F2: variants seen among roughly 807,000 people sequenced by gnomAD.
The protein encoded by F2 is prothrombin.
Under a neutral mutation model 81.9 loss-of-function variants are expected in F2, and 34 were observed. That is an observed-to-expected ratio of 0.42 (90% CI 0.32 to 0.55). F2 has a LOEUF of 0.55. F2 is among the 20% of genes least tolerant of loss of function. F2 has a pLI of 0.18. For synonymous variants in F2, 296 were observed against 326.4 expected (o/e 0.91, Z 1.01); for missense variants, 630 against 833.4 (o/e 0.76, Z 3.00).
At chr11:46,720,132 A>C (rs1260511252) in intron 2 of F2, 3 of 574,804 alleles carry the variant, frequency 5.2e-6, no homozygotes, top group African/African-American at 1.9e-5. Context: ...CTCTGTGTCC[A>C]CATGGCCTCC....
At position 46,726,989 on chromosome 11, in the gene F2, G is replaced by A. The variant is rs898730726; in HGVS notation, c.1130+152G>A. The A allele has an allele frequency of 8.3e-7, 1 of 1,209,724 alleles. No individual in the cohort carries two copies. Among genetic ancestry groups the A allele is most frequent in the Admixed American group, 2.2e-5 (1 of 44,904 alleles). 74.9% of individuals were successfully genotyped at this position (1,209,724 alleles called of 1,614,324 possible). ...CCAACTCCACACAGCAGCCACATGAGATGGGTTGTTTACTTCTTTTTTTTT... is the reference window on the plus strand; with the variant it reads ...CCAACTCCACACAGCAGCCACATGAAATGGGTTGTTTACTTCTTTTTTTTT... On this transcript the variant is annotated intron_variant, in intron 9 of 13. Transcript: ENST00000311907. This position sits in a 1 kb window ranked among gnomAD's most constrained non-coding sequence, Gnocchi z 5.9.
chr11:46,723,423 A>G lies in F2; in HGVS notation c.464A>G (p.Asn155Ser), dbSNP rs2064851342. The change falls in exon 6 of 14, where the codon AAT becomes AGT. Residue 155 changes from asparagine (N) to serine (S), a missense_variant. Asn to Ser is a conservative substitution (Grantham distance 46). Transcript: ENST00000311907. This position sits in a 1 kb window ranked among gnomAD's most constrained non-coding sequence, Gnocchi z 5.6. ...CATCCTGGGGCCGACCTACAGGAGAATTTCTGCCGCAACCCCGACAGCAGC... is the reference window on the plus strand; with the variant it reads ...CATCCTGGGGCCGACCTACAGGAGAGTTTCTGCCGCAACCCCGACAGCAGC... The part of the protein sequence containing the change: ...TTHPGADLQE[N>S]FCRNPDSSTT... 4 of 1,613,842 alleles carry G rather than the reference A, an allele frequency of 2.5e-6. No individual in the cohort carries two copies. Among genetic ancestry groups the G allele is most frequent in the Non-Finnish European group, 3.4e-6 (4 of 1,179,984 alleles).
chr11:46,730,511 G>T (rs900647374), intron 12 of F2, among the ~76,000 whole-genome samples: 2 of 151,828 alleles, frequency 1.3e-5, no homozygotes, highest in Admixed American at 1.3e-4. Flanking sequence ...GGGAGGCCTG[G>T]GGGGCTGAGG....
chr11:46,719,568 C>T lies in F2; in HGVS notation c.80-134C>T. On this transcript the variant is annotated intron_variant, in intron 1 of 13. Coordinates refer to ENST00000311907, the MANE Select transcript of F2 (RefSeq NM_000506.5). This position sits in a 1 kb window ranked among gnomAD's most constrained non-coding sequence, Gnocchi z 4.7. ...CAGGGGGCCACATTTAGCAGCCTTC[C>T]AGGCACTTCCACCAGCCCAGACAGC... The T allele has an allele frequency of 8.1e-7, 1 of 1,239,124 alleles. No homozygotes were observed. Among genetic ancestry groups the T allele is most frequent in the Non-Finnish European group, 1.1e-6 (1 of 883,082 alleles). 76.8% of individuals were successfully genotyped at this position (1,239,124 alleles called of 1,614,324 possible). A position where few individuals can be genotyped will look rare whatever the true frequency, so the allele number is the denominator to read the frequency against.
intron 12 of F2, among the ~76,000 whole-genome samples, chr11:46,733,190 T>A (rs1052303571): frequency 1.3e-5 from 2 of 152,188 alleles, no homozygotes; most frequent in African/African-American, 4.8e-5. Context: ...CTGTAATGCA[T>A]TTGCCTATTT....
chr11:46,732,908 T>A (rs1343640803), intron 12 of F2, among the ~76,000 whole-genome samples: 1 of 152,164 alleles, frequency 6.6e-6, no homozygotes, highest in Non-Finnish European at 1.5e-5. Flanking sequence ...CAGGGAACCC[T>A]TGTAGTCAAG....
chr11:46,723,545 A>G lies in F2; in HGVS notation c.559+27A>G, dbSNP rs201846578. ...TAAGCTGGGGGCAGTGGGGCGGCCC[A>G]TGGCCAAGGCCCGGGGGCTTCATGG... On this transcript the variant is annotated intron_variant, in intron 6 of 13. Coordinates refer to ENST00000311907, the MANE Select transcript of F2 (RefSeq NM_000506.5). The surrounding 1 kb of genome is among the most constrained non-coding windows in gnomAD (Gnocchi z 5.6). 146 of 1,595,172 alleles carry G rather than the reference A, an allele frequency of 9.2e-5. No homozygotes were observed. In the African/African-American group the frequency reaches 1.8e-3, roughly 19 times the overall value.
At chr11:46,727,114 C>G (rs922088400) in intron 9 of F2, among the ~76,000 whole-genome samples, 1 of 152,204 alleles carries the variant, frequency 6.6e-6, no homozygotes, top group Non-Finnish European at 1.5e-5. Flanking sequence ...TTCTGCCTTC[C>G]GGGTTCAAAC....
intron 4 of F2, among the ~76,000 whole-genome samples, chr11:46,721,908 T>A (rs1658326709): frequency 6.6e-6 from 1 of 151,532 alleles, no homozygotes; most frequent in African/African-American, 2.4e-5. Flanking sequence ...AGCAGCGCGA[T>A]CTCGGCTCGC....
intron 12 of F2, among the ~76,000 whole-genome samples, chr11:46,731,912 GTTTTTTTTT>G (rs71042616): frequency 1.1e-5 from 1 of 88,158 alleles, no homozygotes; most frequent in Non-Finnish European, 2.2e-5. Context: ...ACACTTTGAT[GTTTTTTTTT>G]TTTTTTTTTT....
Position 46,719,368 on chromosome 11 carries a change from T to C in F2, c.79+54T>C, listed in dbSNP as rs761128414. On this transcript the variant is annotated intron_variant, in intron 1 of 13. Transcript: ENST00000311907. The surrounding 1 kb of genome is among the most constrained non-coding windows in gnomAD (Gnocchi z 4.7). Reference sequence around the variant, plus strand: ...GCTGGAGGACTGGGGTGTGGGCCCATGGGCTGGGGTCTCCTGGCTGGACAG... The same window carrying C: ...GCTGGAGGACTGGGGTGTGGGCCCACGGGCTGGGGTCTCCTGGCTGGACAG... The C allele has an allele frequency of 2.6e-6, 4 of 1,566,660 alleles. No individual in the cohort carries two copies.
Position 46,732,202 on chromosome 11 carries a change from A to G in F2, c.1654+2641A>G, listed in dbSNP as rs191876226. 3.3e-3 allele frequency among the ~76,000 whole-genome samples: 502 copies of G among 151,444 alleles called. 9 individuals are homozygous for G. The highest frequency in any genetic ancestry group is 0.03 in the Admixed American group (455 of 15,166). On this transcript the variant is annotated intron_variant, in intron 12 of 13. Coordinates refer to ENST00000311907, the MANE Select transcript of F2 (RefSeq NM_000506.5). ...GTGCTGGGATTACAGGTGTGAGCCA[A>G]TACGCCTGGCCTACTTTGATATTTT...
chr11:46,734,801 A>G (rs919907987), intron 12 of F2, among the ~76,000 whole-genome samples: 3 of 152,092 alleles, frequency 2.0e-5, no homozygotes, highest in African/African-American at 7.2e-5. Context: ...ACAGAGCAAG[A>G]CTCTGTCTCA....
At chr11:46,731,573 G>GGAA (rs1555158012) in intron 12 of F2, among the ~76,000 whole-genome samples, 2 of 131,664 alleles carry the variant, frequency 1.5e-5, no homozygotes, top group African/African-American at 5.3e-5. Flanking sequence ...CTTTTATAGG[G>GGAA]AAAAAAAAAA....
Position 46,729,252 on chromosome 11 carries a change from C to T in F2, c.1473-128C>T, listed in dbSNP as rs1319703077. The stretch of plus-strand genomic sequence containing the variant: ...GCCTCGGCCTCCCAAAGTGCCGAGA[C>T]CACAGGCGTGAACGTCTGTGCCCAG... On this transcript the variant is annotated intron_variant, in intron 11 of 13. Coordinates refer to ENST00000311907, the MANE Select transcript of F2 (RefSeq NM_000506.5). The T allele has an allele frequency of 8.5e-6, 9 of 1,064,196 alleles. No homozygotes were observed. In the South Asian group the frequency reaches 1.4e-4, roughly 16 times the overall value. 65.9% of individuals were successfully genotyped at this position (1,064,196 alleles called of 1,614,324 possible). A position where few individuals can be genotyped will look rare whatever the true frequency, so the allele number is the denominator to read the frequency against.
intron 4 of F2, among the ~76,000 whole-genome samples, chr11:46,722,781 G>A (rs2064844838): frequency 6.6e-6 from 1 of 152,214 alleles, no homozygotes; most frequent in South Asian, 2.1e-4. Context: ...CCAGTCAGAA[G>A]AAACAATCCG....
At chr11:46,739,008 G>A (rs1346970818) in intron 12 of F2, 40 bp from the exon 13 acceptor site, 1 of 1,610,252 alleles carries the variant, frequency 6.2e-7, no homozygotes, top group Non-Finnish European at 8.5e-7. Flanking sequence ...GCTGGGCTAT[G>A]AGCTATGCTC....
chr11:46,727,114 C>T (rs922088400), intron 9 of F2, among the ~76,000 whole-genome samples: 30 of 152,204 alleles, frequency 2.0e-4, no homozygotes, highest in Admixed American at 4.6e-4. Flanking sequence ...TTCTGCCTTC[C>T]GGGTTCAAAC....
At chr11:46,736,425 G>A (rs1041768195) in intron 12 of F2, among the ~76,000 whole-genome samples, 1 of 151,824 alleles carries the variant, frequency 6.6e-6, no homozygotes, top group Non-Finnish European at 1.5e-5. Flanking sequence ...ACCTGACCTA[G>A]GTTTTATTTT....
Sources: allele counts gnomAD v4.1 joint callset (sites outside exome capture counted in the v4.1 genomes callset), GRCh38; gene constraint gnomAD v4.1.1; non-coding constraint Gnocchi (gnomAD v3.1); transcripts MANE v1.5; gene names NCBI Gene and HGNC (gene_info 2026-07-23, HGNC 2026-07-21).